Variants in DNAH11 observed in about 807,000 individuals in gnomAD.
DNAH11 encodes axonemal beta dynein heavy chain 11.
DNAH11 carries 442 observed loss-of-function variants against 526.0 expected under a neutral mutation model. The ratio of observed to expected loss-of-function variants is 0.84; its 90% CI spans 0.78 to 0.91. DNAH11 has a LOEUF of 0.91. DNAH11 is among the 40% of genes least tolerant of loss of function. The pLI is 0.00. For missense variants in DNAH11, 6,989 were observed against 5,448.7 expected (o/e 1.28, Z -8.90); for synonymous variants, 2,461 against 1,935.9 (o/e 1.27, Z -7.12).
At chr7:21,627,235 C>T (rs1338400655) in intron 25 of DNAH11, among the ~76,000 whole-genome samples, 1 of 152,060 alleles carries the variant, frequency 6.6e-6, no homozygotes, top group Non-Finnish European at 1.5e-5. Flanking sequence ...CTATTCACTT[C>T]GTTAATTGTT....
In DNAH11 at chr7:21,556,588, T is replaced by G. The variant is rs549850535; in HGVS notation, c.496-2214T>G. Among the ~76,000 whole-genome samples, 201 of 152,294 alleles carry G rather than the reference T, an allele frequency of 1.3e-3. 2 individuals are homozygous for G. The Middle Eastern group carries it at 0.014, about 10-fold the overall frequency. ...GTTTGTTACCTGGGTAAATTGTGCA[T>G]CATGGGAGTTTGGTATACAGAGAGT... On this transcript the variant is annotated intron_variant, in intron 2 of 81. Transcript: ENST00000409508.
chr7:21,844,946 G>A, intron 66 of DNAH11, among the ~76,000 whole-genome samples: 1 of 152,204 alleles, frequency 6.6e-6, no homozygotes, highest in East Asian at 1.9e-4. Flanking sequence ...CCAGGAGTGA[G>A]TCATCCACCA....
chr7:21,864,598 G>C lies in DNAH11; in HGVS notation c.11437G>C (p.Glu3813Gln), dbSNP rs777405986. ...ELDFLLRFTV[E>Q]HTHLSPVDFL... is the part of the protein sequence containing the mutation. ...GGATTTCCTGCTTCGATTCACAGTTGAACACACTCATCTGAGTCCCGTTGA... is the reference window on the plus strand; with the variant it reads ...GGATTTCCTGCTTCGATTCACAGTTCAACACACTCATCTGAGTCCCGTTGA... Residue 3813 changes from glutamate (E) to glutamine (Q), a missense_variant, in exon 70 of 82, where the codon GAA becomes CAA. By Grantham distance (29) the Glu-to-Gln change is conservative. Transcript: ENST00000409508. 1.7e-5 allele frequency: 28 copies of C among 1,610,842 alleles called. No homozygotes were observed. Among genetic ancestry groups the C allele is most frequent in the Non-Finnish European group, 2.3e-5 (27 of 1,178,484 alleles).
At chr7:21,614,232 G>A (rs1785663934) in intron 20 of DNAH11, among the ~76,000 whole-genome samples, 1 of 152,190 alleles carries the variant, frequency 6.6e-6, no homozygotes, top group Non-Finnish European at 1.5e-5. Context: ...GATCTTGGGA[G>A]GAGGATGGGA....
intron 36 of DNAH11, among the ~76,000 whole-genome samples, chr7:21,701,533 G>C (rs559541491): frequency 6.6e-6 from 1 of 152,146 alleles, no homozygotes; most frequent in South Asian, 2.1e-4. Context: ...GAAGCAATCT[G>C]CCCGCCTCAG....
intron 14 of DNAH11, among the ~76,000 whole-genome samples, chr7:21,594,193 T>A (rs1215542326): frequency 3.9e-5 from 6 of 152,078 alleles, no homozygotes; most frequent in Non-Finnish European, 8.8e-5. Flanking sequence ...GGGCCTGAAT[T>A]TTCTCATGTG....
chr7:21,798,844 A>C (rs60109920), intron 61 of DNAH11, among the ~76,000 whole-genome samples: 3,230 of 152,270 alleles, frequency 0.021, 117 homozygotes, highest in African/African-American at 0.073. Context: ...TGTCATTTTT[A>C]ATTATTTTTG....
At chr7:21,721,496 G>A (rs536680532) in intron 44 of DNAH11, among the ~76,000 whole-genome samples, 8 of 152,274 alleles carry the variant, frequency 5.3e-5, no homozygotes, top group Admixed American at 3.9e-4. Context: ...ATTTCTCACA[G>A]TTCTGGGGAC....
chr7:21,842,809 G>T lies in DNAH11; in HGVS notation c.10896+61G>T, dbSNP rs1431126464. On this transcript the variant is annotated intron_variant, in intron 66 of 81. Transcript: ENST00000409508. ...GCATTTGCTTTGCACAAATCACAGT[G>T]CTAGACATAGAAGTATAAAATAGGA... The T allele has an allele frequency of 1.5e-5, 21 of 1,391,072 alleles. 1 individual carries two copies. The Admixed American group carries it at 5.0e-4, about 33-fold the overall frequency. The allele number at this position is 1,391,072 out of a possible 1,614,324, so 86.2% of individuals were successfully genotyped here.
chr7:21,721,003 TGG>T (rs1481504222), intron 44 of DNAH11, 147 bp downstream of exon 44: 1 of 1,042,024 alleles, frequency 9.6e-7, no homozygotes, highest in Non-Finnish European at 1.3e-6. Flanking sequence ...ATGCATTCTC[TGG>T]GTAGTCCCAT....
At chr7:21,607,603 A>G (rs1785345604) in intron 20 of DNAH11, among the ~76,000 whole-genome samples, 1 of 151,960 alleles carries the variant, frequency 6.6e-6, no homozygotes, top group Non-Finnish European at 1.5e-5. Flanking sequence ...TCTCCCTATG[A>G]TATGGCTTGT....
intron 14 of DNAH11, among the ~76,000 whole-genome samples, chr7:21,595,040 G>A (rs1784815231): frequency 6.6e-6 from 1 of 152,176 alleles, no homozygotes; most frequent in Admixed American, 6.5e-5. Context: ...GTAATCTAGG[G>A]GTTCCGTATG....
At chr7:21,743,003 G>C (rs1004218578) in intron 49 of DNAH11, among the ~76,000 whole-genome samples, 3 of 152,218 alleles carry the variant, frequency 2.0e-5, no homozygotes, top group African/African-American at 7.2e-5. Flanking sequence ...AGAAAGGACA[G>C]AGCAAATCGG....
chr7:21,868,104 C>CA, intron 72 of DNAH11, 97 bp downstream of exon 72: 3 of 697,258 alleles, frequency 4.3e-6, no homozygotes, highest in East Asian at 3.9e-5. Context: ...ATCTTAGTTT[C>CA]TTTTTTTTTT....
At chr7:21,713,698 A>T (rs1784544939) in intron 42 of DNAH11, among the ~76,000 whole-genome samples, 1 of 151,988 alleles carries the variant, frequency 6.6e-6, no homozygotes, top group East Asian at 1.9e-4. Flanking sequence ...TGTCTAACTG[A>T]TGTACTTCTC....
intron 25 of DNAH11, among the ~76,000 whole-genome samples, chr7:21,624,740 G>A (rs949644369): frequency 6.6e-6 from 1 of 152,058 alleles, no homozygotes; most frequent in Non-Finnish European, 1.5e-5. Context: ...CAATTTTGTT[G>A]GAAGTTTTAA....
intron 54 of DNAH11, among the ~76,000 whole-genome samples, chr7:21,756,603 A>G (rs1786652294): frequency 6.6e-6 from 1 of 152,138 alleles, no homozygotes; most frequent in African/African-American, 2.4e-5. Flanking sequence ...TATAATTACA[A>G]TATTGAGTAT....
chr7:21,899,555 C>G (rs1784669050), intron 80 of DNAH11, 107 bp downstream of exon 80: 1 of 860,994 alleles, frequency 1.2e-6, no homozygotes, highest in Non-Finnish European at 1.8e-6. Flanking sequence ...CTCACCAATC[C>G]TCAAGCAGCA....
At chr7:21,774,300 G>C (rs957739058) in intron 56 of DNAH11, among the ~76,000 whole-genome samples, 1 of 152,066 alleles carries the variant, frequency 6.6e-6, no homozygotes, top group Non-Finnish European at 1.5e-5. Flanking sequence ...TTCAGTGCAC[G>C]GTACTTGTCG....
Sources: allele counts gnomAD v4.1 joint callset (sites outside exome capture counted in the v4.1 genomes callset), GRCh38; gene constraint gnomAD v4.1.1; transcripts MANE v1.5; gene names NCBI Gene and HGNC (gene_info 2026-07-23, HGNC 2026-07-21).